NPAS3: variants seen among roughly 807,000 people sequenced by gnomAD.
NPAS3 encodes the protein neuronal PAS domain protein 3, also known as neuronal PAS domain-containing protein 3.
A neutral mutation model predicts 73.1 loss-of-function variants in NPAS3; 14 were observed. The observed-to-expected ratio is 0.19, with a 90% CI of 0.13 to 0.30. The LOEUF (loss-of-function observed/expected upper bound fraction) is 0.30. NPAS3 is among the 10% of genes least tolerant of loss of function. The pLI is 1.00. For missense variants in NPAS3, 1,096 were observed against 1,250.0 expected, an observed-to-expected ratio of 0.88 and a Z score of 1.86; for synonymous variants, 620 against 541.5, an observed-to-expected ratio of 1.14 and a Z score of -2.01.
chr14:33,543,037 G>C (rs930852831), intron 4 of NPAS3, among the ~76,000 whole-genome samples: 4 of 152,210 alleles, frequency 2.6e-5, no homozygotes, highest in Non-Finnish European at 4.4e-5. Context: ...CTGTCCCCAT[G>C]ATGATGAACG....
chr14:33,166,055 C>T (rs2045129447), intron 2 of NPAS3, among the ~76,000 whole-genome samples: 1 of 152,198 alleles, frequency 6.6e-6, no homozygotes, highest in Non-Finnish European at 1.5e-5. Flanking sequence ...CCCCACCATG[C>T]CTCCCCATGT....
At chr14:33,447,621 A>G (rs2049579591) in intron 4 of NPAS3, among the ~76,000 whole-genome samples, 1 of 152,198 alleles carries the variant, frequency 6.6e-6, no homozygotes, top group South Asian at 2.1e-4. Flanking sequence ...AGCAGGGGTG[A>G]GAACAGAATT....
intron 6 of NPAS3, among the ~76,000 whole-genome samples, chr14:33,711,138 A>T (rs1297132091): frequency 1.3e-5 from 2 of 152,246 alleles, no homozygotes; most frequent in African/African-American, 4.8e-5. Flanking sequence ...CATGCACTGT[A>T]TAATAAAACT....
chr14:33,087,312 C>T (rs146928245), intron 2 of NPAS3, among the ~76,000 whole-genome samples: 68 of 145,246 alleles, frequency 4.7e-4, no homozygotes, highest in African/African-American at 1.7e-3. Flanking sequence ...AAATTAAAGA[C>T]TTCAAGCCTA....
chr14:33,413,752 C>T (rs1594863900), intron 4 of NPAS3, among the ~76,000 whole-genome samples: 1 of 152,226 alleles, frequency 6.6e-6, no homozygotes, highest in Middle Eastern at 3.4e-3. Context: ...TCTGAAAAGA[C>T]TTCAGACTGT....
At chr14:33,136,058 CTTTTTT>C (rs34308954) in intron 2 of NPAS3, among the ~76,000 whole-genome samples, 1 of 115,412 alleles carries the variant, frequency 8.7e-6, no homozygotes, top group African/African-American at 3.3e-5. Flanking sequence ...TACCTTTTTT[CTTTTTT>C]TTTTTTTTTT....
At chr14:33,134,036 T>C (rs1487732122) in intron 2 of NPAS3, among the ~76,000 whole-genome samples, 2 of 152,128 alleles carry the variant, frequency 1.3e-5, no homozygotes, top group African/African-American at 4.8e-5. Context: ...TATAAGAAAA[T>C]GAGGGGATTC....
chr14:32,943,768 T>A (rs1430294665), intron 1 of NPAS3, among the ~76,000 whole-genome samples: 1 of 150,176 alleles, frequency 6.7e-6, no homozygotes, highest in African/African-American at 2.4e-5. Context: ...CAATCTCAGC[T>A]CACTGCAACC....
chr14:33,003,488 C>T (rs759566038), intron 1 of NPAS3, among the ~76,000 whole-genome samples: 11 of 152,214 alleles, frequency 7.2e-5, no homozygotes, highest in Non-Finnish European at 1.5e-4. Flanking sequence ...GGACTTAATG[C>T]GCTAGGCAAG....
At chr14:33,274,564 T>C (rs1488924384) in intron 3 of NPAS3, among the ~76,000 whole-genome samples, 1 of 152,184 alleles carries the variant, frequency 6.6e-6, no homozygotes, top group African/African-American at 2.4e-5. Context: ...CATCCCCTTC[T>C]CATATGCATT....
chr14:33,036,510 A>G (rs1469558465), intron 1 of NPAS3, among the ~76,000 whole-genome samples: 1 of 152,194 alleles, frequency 6.6e-6, no homozygotes, highest in Admixed American at 6.5e-5. Context: ...ACAGAAAGCA[A>G]AATTCCTGGA....
chr14:33,441,372 A>C (rs2049240352), intron 4 of NPAS3, among the ~76,000 whole-genome samples: 1 of 145,472 alleles, frequency 6.9e-6, no homozygotes. Context: ...ATTTCAAAGC[A>C]ATAGCCTAAA....
At chr14:33,423,835 T>G (rs1379438697) in intron 4 of NPAS3, among the ~76,000 whole-genome samples, 1 of 151,942 alleles carries the variant, frequency 6.6e-6, no homozygotes, top group Non-Finnish European at 1.5e-5. Context: ...GAATGACAGA[T>G]TCTAGAAAGT....
chr14:33,166,197 TTAA>T (rs781138511), intron 2 of NPAS3, among the ~76,000 whole-genome samples: 2 of 152,150 alleles, frequency 1.3e-5, no homozygotes, highest in African/African-American at 4.8e-5. Context: ...CTTGAAATCC[TTAA>T]TAATGTTTAA....
At chr14:33,277,857 A>G (rs1321368765) in intron 3 of NPAS3, among the ~76,000 whole-genome samples, 1 of 152,140 alleles carries the variant, frequency 6.6e-6, no homozygotes, top group Non-Finnish European at 1.5e-5. Context: ...GGATGGGTAT[A>G]GACCTGATCT....
chr14:33,391,166 T>C (rs1182689821), intron 4 of NPAS3, among the ~76,000 whole-genome samples: 1 of 148,272 alleles, frequency 6.7e-6, no homozygotes, highest in African/African-American at 2.5e-5. Context: ...TAAACAAAAA[T>C]CCTCATTCTT....
At chr14:33,087,901 T>C (rs975340096) in intron 2 of NPAS3, among the ~76,000 whole-genome samples, 18 of 152,218 alleles carry the variant, frequency 1.2e-4, no homozygotes, top group African/African-American at 3.9e-4. Flanking sequence ...ATAATTGTTT[T>C]CATACTTCAG....
chr14:33,635,851 A>G (rs1263790390), intron 5 of NPAS3, among the ~76,000 whole-genome samples: 1 of 152,168 alleles, frequency 6.6e-6, no homozygotes, highest in African/African-American at 2.4e-5. Context: ...CCATTTATGC[A>G]GCATTAGATC....
chr14:33,246,100 C>A (rs1470702434), intron 3 of NPAS3, among the ~76,000 whole-genome samples: 2 of 152,046 alleles, frequency 1.3e-5, no homozygotes, highest in African/African-American at 2.4e-5. Context: ...AGCTGTGTAA[C>A]CTCGGGTAAG....
Sources: gnomAD v4.1 joint callset for allele counts (sites outside exome capture counted in the v4.1 genomes callset) on GRCh38, gnomAD v4.1.1 for gene constraint, MANE v1.5 for transcripts, NCBI Gene and HGNC (gene_info 2026-07-23, HGNC 2026-07-21) for gene names.